CACNA2D1: variants seen among roughly 807,000 people sequenced by gnomAD.
CACNA2D1 encodes the protein voltage-dependent calcium channel subunit alpha-2/delta-1.
Under a neutral mutation model 171.5 loss-of-function variants are expected in CACNA2D1, and 53 were observed. The ratio of observed to expected loss-of-function variants is 0.31; its 90% confidence interval spans 0.25 to 0.39. The LOEUF is 0.39. Among genes scored for constraint, CACNA2D1 ranks in the 10% least tolerant of loss-of-function variants. The probability of loss-of-function intolerance (pLI) is 1.00; values close to 1 mark genes in which losing one functional copy is unlikely to be tolerated. For missense variants in CACNA2D1, 903 were observed against 1,299.8 expected (o/e 0.69, Z 4.69); for synonymous variants, 442 against 443.1 (o/e 1.00, Z 0.03).
intron 3 of CACNA2D1, among the ~76,000 whole-genome samples, chr7:82,331,924 G>C (rs1817344874): frequency 6.6e-6 from 1 of 151,858 alleles, no homozygotes; most frequent in African/African-American, 2.4e-5. Flanking sequence ...TATTAGATAA[G>C]TTTTTATTAC....
rs1264208581 is a variant in CACNA2D1, at chr7:81,982,643, T to C, written c.1895-16A>G. 1 of 1,525,784 alleles carries C rather than the reference T, an allele frequency of 6.6e-7. No individual in the cohort carries two copies. The highest frequency in any genetic ancestry group is 1.4e-5 in the African/African-American group (1 of 73,248). 94.5% of individuals were successfully genotyped at this position (1,525,784 alleles called of 1,614,324 possible). A position where few individuals can be genotyped will look rare whatever the true frequency, so the allele number is the denominator to read the frequency against. On this transcript the variant is annotated splice_polypyrimidine_tract_variant and intron_variant, in intron 23 of 38. Coordinates refer to ENST00000356860, the MANE Select transcript of CACNA2D1 (RefSeq NM_000722.4). Reference sequence around the variant, plus strand: ...GTTTCCGAATCTGCAAAGATAATGTTACAGGATTAGATAGGTAATTCAGAG... The same window carrying C: ...GTTTCCGAATCTGCAAAGATAATGTCACAGGATTAGATAGGTAATTCAGAG...
intron 3 of CACNA2D1, among the ~76,000 whole-genome samples, chr7:82,319,094 T>C (rs1815487841): frequency 6.6e-6 from 1 of 152,172 alleles, no homozygotes; most frequent in Non-Finnish European, 1.5e-5. Flanking sequence ...ATACCAAGTA[T>C]AGAAGTATGT....
At chr7:82,224,216 A>G (rs1489264929) in intron 3 of CACNA2D1, among the ~76,000 whole-genome samples, 1 of 152,218 alleles carries the variant, frequency 6.6e-6, no homozygotes, top group Non-Finnish European at 1.5e-5. Context: ...ATAATTCCTT[A>G]AAATCCTAGT....
At chr7:82,268,524 T>C (rs1184601449) in intron 3 of CACNA2D1, among the ~76,000 whole-genome samples, 1 of 152,178 alleles carries the variant, frequency 6.6e-6, no homozygotes, top group Non-Finnish European at 1.5e-5. Flanking sequence ...AGTCCTTTTT[T>C]TTCTTCTCTT....
In CACNA2D1 at chr7:82,086,339, AT is replaced by A. The variant is rs1222139828; in HGVS notation, c.527-1440del. On this transcript the variant is annotated intron_variant, in intron 6 of 38. Transcript: ENST00000356860. Reference sequence around the variant, plus strand: ...ATTGTGAAACTCTTCTGGGACCAGCATGCTAAAGCAGTCCTCATTATTGAAA... The same window carrying A: ...ATTGTGAAACTCTTCTGGGACCAGCAGCTAAAGCAGTCCTCATTATTGAAA... 7.2e-5 allele frequency among the ~76,000 whole-genome samples: 11 copies of A among 152,334 alleles called. No individual in the cohort carries two copies. The East Asian group carries it at 1.9e-3, about 27-fold the overall frequency.
intron 12 of CACNA2D1, among the ~76,000 whole-genome samples, chr7:82,016,610 GCCCCC>G (rs5885263): frequency 2.0e-5 from 1 of 50,712 alleles, no homozygotes; most frequent in Non-Finnish European, 3.3e-5. Flanking sequence ...CTAGCCGCCC[GCCCCC>G]CCCCCCCAAA....
chr7:82,008,463 G>A lies in CACNA2D1; in HGVS notation c.1363-707C>T, dbSNP rs535101237. Among the ~76,000 whole-genome samples the A allele has an allele frequency of 3.9e-5, 6 of 152,122 alleles. No homozygotes were observed. In the East Asian group the frequency reaches 1.2e-3, roughly 29 times the overall value. ...AGAACTAATGCCATCCTATTAATCA[G>A]CACATAATTTAATACATTAAATGAA... On this transcript the variant is annotated intron_variant, in intron 15 of 38. Coordinates refer to ENST00000356860, the MANE Select transcript of CACNA2D1 (RefSeq NM_000722.4).
intron 7 of CACNA2D1, among the ~76,000 whole-genome samples, chr7:82,072,968 A>AT (rs1465043074): frequency 1.3e-5 from 2 of 152,168 alleles, no homozygotes; most frequent in African/African-American, 4.8e-5. Flanking sequence ...TTAAAAATAG[A>AT]TTTTTATAAG....
chr7:82,342,795 G>A (rs1039281422), intron 2 of CACNA2D1, among the ~76,000 whole-genome samples: 1 of 152,090 alleles, frequency 6.6e-6, no homozygotes, highest in Non-Finnish European at 1.5e-5. Flanking sequence ...GTAATACAAG[G>A]AGTTATGGGA....
chr7:82,386,103 C>T (rs1824331396), intron 1 of CACNA2D1, among the ~76,000 whole-genome samples: 1 of 152,070 alleles, frequency 6.6e-6, no homozygotes. Flanking sequence ...ACTATGCATT[C>T]TTGGAATCCG....
chr7:81,952,764 T>G (rs376524042), intron 38 of CACNA2D1, among the ~76,000 whole-genome samples: 5 of 152,090 alleles, frequency 3.3e-5, no homozygotes, highest in African/African-American at 7.2e-5. Context: ...TAATCCCCAG[T>G]CCTATGGCTT....
intron 6 of CACNA2D1, among the ~76,000 whole-genome samples, chr7:82,091,109 G>C (rs918737483): frequency 6.6e-6 from 1 of 152,172 alleles, no homozygotes; most frequent in Non-Finnish European, 1.5e-5. Context: ...TTAAGGAGTA[G>C]ACAGTGTGCA....
In CACNA2D1 at chr7:82,151,099, C is replaced by T. The variant is rs573775408; in HGVS notation, c.355-14423G>A. Reference sequence around the variant, plus strand: ...TCTGAAAGCAACAATCCAAAAGATTCTCAACAAATTCAAAAGACTCTCAAC... The same window carrying T: ...TCTGAAAGCAACAATCCAAAAGATTTTCAACAAATTCAAAAGACTCTCAAC... On this transcript the variant is annotated intron_variant, in intron 4 of 38. Transcript: ENST00000356860. Among the ~76,000 whole-genome samples, 15 of 152,176 alleles carry T rather than the reference C, an allele frequency of 9.9e-5. No individual in the cohort carries two copies. The East Asian group carries it at 2.1e-3, about 22-fold the overall frequency.
At chr7:82,393,772 C>T (rs1825463281) in intron 1 of CACNA2D1, among the ~76,000 whole-genome samples, 1 of 152,042 alleles carries the variant, frequency 6.6e-6, no homozygotes, top group South Asian at 2.1e-4. Context: ...AAAAATTATT[C>T]CTAATATTCG....
At chr7:82,244,664 A>C (rs543194042) in intron 3 of CACNA2D1, among the ~76,000 whole-genome samples, 1 of 152,298 alleles carries the variant, frequency 6.6e-6, no homozygotes, top group South Asian at 2.1e-4. Context: ...AAAAAAGCAC[A>C]GAATGGTTAT....
At chr7:82,128,203 T>C (rs1234271165) in intron 5 of CACNA2D1, among the ~76,000 whole-genome samples, 1 of 152,112 alleles carries the variant, frequency 6.6e-6, no homozygotes, top group Non-Finnish European at 1.5e-5. Flanking sequence ...GTGCTGGGAT[T>C]ACAGGTGTGC....
At chr7:82,339,823 CTG>C (rs1406375701) in intron 2 of CACNA2D1, among the ~76,000 whole-genome samples, 3 of 152,142 alleles carry the variant, frequency 2.0e-5, no homozygotes, top group Admixed American at 6.5e-5. Flanking sequence ...TCCCCAGAAC[CTG>C]TTAATATGTT....
chr7:82,138,056 A>G (rs1339291662), intron 4 of CACNA2D1, among the ~76,000 whole-genome samples: 1 of 152,188 alleles, frequency 6.6e-6, no homozygotes, highest in African/African-American at 2.4e-5. Flanking sequence ...AGAATATAAT[A>G]AAGTTAAAAT....
chr7:82,327,285 G>C (rs1816772023), intron 3 of CACNA2D1, among the ~76,000 whole-genome samples: 1 of 152,196 alleles, frequency 6.6e-6, no homozygotes, highest in Admixed American at 6.5e-5. Flanking sequence ...TGCAGCCAAA[G>C]GTTGCCCAGT....
Sources: allele counts gnomAD v4.1 joint callset (sites outside exome capture counted in the v4.1 genomes callset), GRCh38; gene constraint gnomAD v4.1.1; transcripts MANE v1.5; gene names NCBI Gene and HGNC (gene_info 2026-07-23, HGNC 2026-07-21).